Variants in GALNT1 observed in about 807,000 individuals in gnomAD.
GALNT1 encodes the protein GalNAc transferase 1.
In GALNT1, 17 loss-of-function variants were observed where a neutral mutation model predicts 65.7. The ratio of observed to expected loss-of-function variants is 0.26; its 90% confidence interval spans 0.18 to 0.39. GALNT1 has a LOEUF of 0.39. Among genes scored for constraint, GALNT1 ranks in the 10% least tolerant of loss-of-function variants. The probability of loss-of-function intolerance (pLI) is 1.00; values close to 1 mark genes in which losing one functional copy is unlikely to be tolerated. For synonymous variants in GALNT1, 210 were observed against 219.7 expected, an observed-to-expected ratio of 0.96 and a Z score of 0.39; for missense variants, 460 against 672.8, an observed-to-expected ratio of 0.68 and a Z score of 3.50.
intron 1 of GALNT1, among the ~76,000 whole-genome samples, chr18:35,645,964 G>C (rs534314676): frequency 6.6e-6 from 1 of 152,268 alleles, no homozygotes; most frequent in African/African-American, 2.4e-5. Flanking sequence ...CTTTGGGTCA[G>C]GAATGGAAGA....
intron 1 of GALNT1, among the ~76,000 whole-genome samples, chr18:35,628,423 C>T (rs559132553): frequency 1.3e-5 from 2 of 152,204 alleles, no homozygotes; most frequent in Non-Finnish European, 2.9e-5. Context: ...ATTCGCTGTT[C>T]TGCAGCCTCC....
At chr18:35,613,616 A>T (rs2046746594) in intron 1 of GALNT1, among the ~76,000 whole-genome samples, 1 of 152,120 alleles carries the variant, frequency 6.6e-6, no homozygotes, top group Non-Finnish European at 1.5e-5. Context: ...GTGTCTAGGG[A>T]TCAAGCAGTT....
intron 2 of GALNT1, among the ~76,000 whole-genome samples, chr18:35,662,609 A>AT (rs201848297): frequency 6.6e-6 from 1 of 152,092 alleles, no homozygotes; most frequent in Non-Finnish European, 1.5e-5. Context: ...TGATGCCACT[A>AT]TTTTTTGTTT....
At chr18:35,698,368 C>T (rs1290389188) in intron 9 of GALNT1, among the ~76,000 whole-genome samples, 2 of 152,050 alleles carry the variant, frequency 1.3e-5, no homozygotes, top group African/African-American at 4.8e-5. Flanking sequence ...ACTCGGGAGG[C>T]TGAGGCGCGA....
intron 1 of GALNT1, among the ~76,000 whole-genome samples, chr18:35,603,090 C>T (rs535047606): frequency 6.6e-6 from 1 of 152,196 alleles, no homozygotes; most frequent in African/African-American, 2.4e-5. Flanking sequence ...CTAGGTTTTC[C>T]TTGGCTCTTG....
chr18:35,591,577 G>GT (rs888754538), intron 1 of GALNT1, among the ~76,000 whole-genome samples: 1 of 152,216 alleles, frequency 6.6e-6, no homozygotes, highest in Admixed American at 6.5e-5. Context: ...GGTCTTAACT[G>GT]TTTAACTAGA....
intron 1 of GALNT1, among the ~76,000 whole-genome samples, chr18:35,634,707 C>T (rs974915309): frequency 3.9e-5 from 6 of 152,182 alleles, no homozygotes; most frequent in Middle Eastern, 3.4e-3. Flanking sequence ...TCCAGATTCC[C>T]GGAAGGAAAG....
intron 3 of GALNT1, among the ~76,000 whole-genome samples, chr18:35,666,711 T>C (rs2047553885): frequency 6.6e-6 from 1 of 152,216 alleles, no homozygotes. Context: ...CTTTATGATA[T>C]TAGGAATAGT....
At chr18:35,620,830 A>G (rs1165500193) in intron 1 of GALNT1, among the ~76,000 whole-genome samples, 1 of 146,770 alleles carries the variant, frequency 6.8e-6, no homozygotes, top group African/African-American at 2.5e-5. Context: ...ATGTCTCTTT[A>G]TACTCATGTG....
chr18:35,609,984 C>A (rs1598783313), intron 1 of GALNT1, among the ~76,000 whole-genome samples: 1 of 152,104 alleles, frequency 6.6e-6, no homozygotes, highest in African/African-American at 2.4e-5. Context: ...CAGATCATTT[C>A]AATTTTTTAA....
At chr18:35,707,914 G>A (rs777179006) in intron 11 of GALNT1, among the ~76,000 whole-genome samples, 16 of 152,222 alleles carry the variant, frequency 1.1e-4, no homozygotes, top group Non-Finnish European at 2.2e-4. Flanking sequence ...GTCCATGACT[G>A]CTCAGGACGT....
chr18:35,631,877 A>T (rs571566532), intron 1 of GALNT1, among the ~76,000 whole-genome samples: 6 of 152,222 alleles, frequency 3.9e-5, no homozygotes, highest in African/African-American at 1.2e-4. Context: ...TACAAAATCA[A>T]TGTGCAAAAA....
chr18:35,675,273 T>G (rs1180401334), intron 3 of GALNT1, among the ~76,000 whole-genome samples: 1 of 152,312 alleles, frequency 6.6e-6, no homozygotes, highest in South Asian at 2.1e-4. Context: ...TTGTGTGTGT[T>G]TGTACCTGTT....
chr18:35,606,706 T>C (rs1165951626), intron 1 of GALNT1, among the ~76,000 whole-genome samples: 1 of 152,156 alleles, frequency 6.6e-6, no homozygotes, highest in Non-Finnish European at 1.5e-5. Flanking sequence ...CTGTCCCTCT[T>C]CCTTTTTAAA....
At chr18:35,678,982 C>G (rs529587671) in intron 4 of GALNT1, among the ~76,000 whole-genome samples, 2 of 152,088 alleles carry the variant, frequency 1.3e-5, no homozygotes, top group South Asian at 2.1e-4. Flanking sequence ...TAATTTATAT[C>G]TTACCTTTTT....
intron 8 of GALNT1, among the ~76,000 whole-genome samples, chr18:35,691,858 A>G (rs1047811174): frequency 2.0e-5 from 3 of 152,196 alleles, no homozygotes; most frequent in Non-Finnish European, 4.4e-5. Context: ...CTGACTGCAA[A>G]CAATTGCTCT....
At chr18:35,607,304 C>T (rs2046662527) in intron 1 of GALNT1, among the ~76,000 whole-genome samples, 1 of 152,078 alleles carries the variant, frequency 6.6e-6, no homozygotes, top group Non-Finnish European at 1.5e-5. Context: ...GAGTGTTGTC[C>T]TCATGGAGTC....
chr18:35,668,942 T>C (rs2047588319), intron 3 of GALNT1, among the ~76,000 whole-genome samples: 1 of 152,174 alleles, frequency 6.6e-6, no homozygotes, highest in Admixed American at 6.6e-5. Flanking sequence ...GAATTAATTA[T>C]TTAAAAGCAT....
upstream of GALNT1, chr18:35,581,439 C>A (rs901313963): frequency 6.8e-6 from 1 of 146,376 alleles, no homozygotes; most frequent in African/African-American, 2.5e-5. Context: ...TCCGGGTGAG[C>A]GCCGGCGCCC....
Sources: gnomAD v4.1 joint callset for allele counts (sites outside exome capture counted in the v4.1 genomes callset) on GRCh38, gnomAD v4.1.1 for gene constraint, MANE v1.5 for transcripts, NCBI Gene and HGNC (gene_info 2026-07-23, HGNC 2026-07-21) for gene names.